SCN11A: variants seen among roughly 807,000 people sequenced by gnomAD.
The protein encoded by SCN11A is sodium voltage-gated channel alpha subunit 11, also known as sodium channel protein type 11 subunit alpha.
SCN11A carries 122 observed loss-of-function variants against 162.2 expected under a neutral mutation model. The ratio of observed to expected loss-of-function variants is 0.75; its 90% CI spans 0.65 to 0.87. SCN11A has a LOEUF of 0.87. Ranked by LOEUF, SCN11A falls within the 40% of genes least tolerant of loss-of-function variation. The probability of loss-of-function intolerance (pLI) is 0.00; values close to 1 mark genes in which losing one functional copy is unlikely to be tolerated. For missense variants in SCN11A, 2,015 were observed against 2,181.6 expected (o/e 0.92, Z 1.52); for synonymous variants, 758 against 751.5 (o/e 1.01, Z -0.14).
chr3:38,963,411 TA>T (rs2066758628), intron 2 of SCN11A, among the ~76,000 whole-genome samples: 1 of 61,176 alleles, frequency 1.6e-5, no homozygotes, highest in Non-Finnish European at 2.8e-5. Context: ...TATATATATA[TA>T]TATATGATGG....
chr3:38,994,499 G>T lies in SCN11A; in HGVS notation c.-279-34076C>A, dbSNP rs2030550392. On this transcript the variant is annotated intron_variant, in intron 2 of 29. Coordinates refer to ENST00000302328, the MANE Select transcript of SCN11A (RefSeq NM_001349253.2). ...GAGGCCACAAGCTGGAAAAGAGAAA[G>T]AGGATCTCTTTGGAGAGAACTGTTG... 1.3e-5 allele frequency among the ~76,000 whole-genome samples: 2 copies of T among 152,204 alleles called. 1 individual carries two copies. The highest frequency in any genetic ancestry group is 4.1e-4 in the South Asian group (2 of 4,832).
chr3:38,877,814 A>G (rs2065244665), intron 23 of SCN11A, among the ~76,000 whole-genome samples: 1 of 148,276 alleles, frequency 6.7e-6, no homozygotes, highest in South Asian at 2.1e-4. Context: ...TATATACTAT[A>G]TACATACACC....
At chr3:38,872,440 C>A in intron 23 of SCN11A, 146 bp from the exon 24 acceptor site, 2 of 578,058 alleles carry the variant, frequency 3.5e-6, no homozygotes, top group South Asian at 2.1e-5. Flanking sequence ...CATAGAAAAT[C>A]CGAGAAATTG....
chr3:39,004,501 T>TGG (rs2030911769), intron 2 of SCN11A, among the ~76,000 whole-genome samples: 1 of 152,312 alleles, frequency 6.6e-6, no homozygotes, highest in African/African-American at 2.4e-5. Flanking sequence ...CTTGAGTATT[T>TGG]GGGCTCTTTT....
intron 2 of SCN11A, among the ~76,000 whole-genome samples, chr3:38,975,354 A>G (rs1218541407): frequency 1.3e-5 from 2 of 152,180 alleles, no homozygotes; most frequent in Non-Finnish European, 2.9e-5. Flanking sequence ...GAAGTTAATA[A>G]TAACATTAAC....
At chr3:38,998,808 CA>C (rs1398972027) in intron 2 of SCN11A, among the ~76,000 whole-genome samples, 1 of 146,624 alleles carries the variant, frequency 6.8e-6, no homozygotes, top group Non-Finnish European at 1.5e-5. Context: ...ATCACAAGGA[CA>C]AAAAACCAAA....
chr3:39,042,957 C>CAACAAAAAAAA (rs2032086070), intron 1 of SCN11A, among the ~76,000 whole-genome samples: 1 of 66,032 alleles, frequency 1.5e-5, no homozygotes, highest in Non-Finnish European at 3.4e-5. Flanking sequence ...AACTCCATCT[C>CAACAAAAAAAA]AAAAAAAAAA....
At chr3:39,011,448 A>C (rs1196593864) in intron 2 of SCN11A, among the ~76,000 whole-genome samples, 2 of 152,204 alleles carry the variant, frequency 1.3e-5, no homozygotes, top group African/African-American at 4.8e-5. Context: ...ATTTAGAACA[A>C]AGAACAGTGG....
chr3:39,000,938 G>A (rs2030792108), intron 2 of SCN11A, among the ~76,000 whole-genome samples: 1 of 152,270 alleles, frequency 6.6e-6, no homozygotes, highest in East Asian at 1.9e-4. Flanking sequence ...TCAGGTGGCT[G>A]AGGCATGAGA....
intron 4 of SCN11A, among the ~76,000 whole-genome samples, chr3:38,951,509 T>C (rs565920388): frequency 6.4e-4 from 98 of 152,338 alleles, no homozygotes; most frequent in African/African-American, 2.3e-3. Flanking sequence ...CCCAGTCCCA[T>C]CGACCGCCCA....
intron 7 of SCN11A, among the ~76,000 whole-genome samples, chr3:38,930,930 G>A (rs2066230419): frequency 6.6e-6 from 1 of 152,118 alleles, no homozygotes; most frequent in South Asian, 2.1e-4. Context: ...AGTGAAAATG[G>A]CCTCAGAGCA....
At chr3:38,879,690 G>A (rs1029405532) in intron 23 of SCN11A, among the ~76,000 whole-genome samples, 3 of 152,202 alleles carry the variant, frequency 2.0e-5, no homozygotes, top group Admixed American at 6.6e-5. Context: ...CTTATGGAGA[G>A]AAGTGAATGA....
chr3:38,918,485 A>C (rs1358164138), intron 11 of SCN11A, among the ~76,000 whole-genome samples: 1 of 152,204 alleles, frequency 6.6e-6, no homozygotes, highest in Non-Finnish European at 1.5e-5. Context: ...TCCTTATGAG[A>C]ATCTAACTAA....
At chr3:38,956,097 C>T (rs1301161352) in intron 3 of SCN11A, among the ~76,000 whole-genome samples, 1 of 151,856 alleles carries the variant, frequency 6.6e-6, no homozygotes, top group Non-Finnish European at 1.5e-5. Context: ...ATACAAAAAT[C>T]AGCCAGGTGT....
intron 2 of SCN11A, among the ~76,000 whole-genome samples, chr3:38,996,043 G>A (rs2030622159): frequency 6.6e-6 from 1 of 152,142 alleles, no homozygotes; most frequent in South Asian, 2.1e-4. Flanking sequence ...TGTCTACTAT[G>A]TGAGAACACA....
chr3:38,896,908 C>G lies in SCN11A; in HGVS notation c.2340G>C (p.Ala780=), dbSNP rs779486096. ...IENMWECMQE[A]NASSSLCVIV... ...TAACACACAATGATGATGATGCATT[C>G]GCTTCTTGCATACATTCCCACATAT... The change falls in exon 18 of 30, where the codon GCG becomes GCC. Residue 780 remains alanine (A), a synonymous_variant. Transcript: ENST00000302328. The G allele has an allele frequency of 6.2e-7, 1 of 1,612,260 alleles. No homozygotes were observed. Among genetic ancestry groups the G allele is most frequent in the Non-Finnish European group, 8.5e-7 (1 of 1,179,630 alleles).
At chr3:38,883,194 C>G in intron 22 of SCN11A, 39 bp downstream of exon 22, 2 of 1,578,168 alleles carry the variant, frequency 1.3e-6, no homozygotes, top group Non-Finnish European at 1.7e-6. Flanking sequence ...CCCCAGCTGC[C>G]CTGATGCCCA....
intron 28 of SCN11A, among the ~76,000 whole-genome samples, chr3:38,859,380 A>G (rs28886393): frequency 0.014 from 2,127 of 152,264 alleles, 52 homozygotes; most frequent in African/African-American, 0.047. Context: ...ATTCAAGGCT[A>G]CTACAAACAC....
chr3:38,890,932 T>A (rs2065489261), intron 19 of SCN11A, among the ~76,000 whole-genome samples: 1 of 152,102 alleles, frequency 6.6e-6, no homozygotes. Flanking sequence ...AGGAGAAAAG[T>A]GAATCAGTTA....
Sources: gnomAD v4.1 joint callset for allele counts (sites outside exome capture counted in the v4.1 genomes callset) on GRCh38, gnomAD v4.1.1 for gene constraint, MANE v1.5 for transcripts, NCBI Gene and HGNC (gene_info 2026-07-23, HGNC 2026-07-21) for gene names.